DLC1: variants seen among roughly 807,000 people sequenced by gnomAD.
The protein encoded by DLC1 is DLC1 Rho GTPase activating protein.
DLC1 carries 54 observed loss-of-function variants against 140.3 expected under a neutral mutation model. The observed-to-expected ratio is 0.38, with a 90% CI of 0.31 to 0.48. The LOEUF (loss-of-function observed/expected upper bound fraction) is 0.48. DLC1 is among the 20% of genes least tolerant of loss of function. The pLI is 0.96. For synonymous variants in DLC1, 986 were observed against 728.1 expected, an observed-to-expected ratio of 1.35 and a Z score of -5.70; for missense variants, 2,536 against 1,907.0, an observed-to-expected ratio of 1.33 and a Z score of -6.14.
chr8:13,268,080 A>G (rs978164683), intron 5 of DLC1, among the ~76,000 whole-genome samples: 2 of 152,186 alleles, frequency 1.3e-5, no homozygotes, highest in Non-Finnish European at 2.9e-5. Context: ...AAATTGAAAT[A>G]TTTAAAGTAT....
Position 13,091,449 on chromosome 8 carries a change from C to T in DLC1, c.3741-17G>A. On this transcript the variant is annotated splice_polypyrimidine_tract_variant and intron_variant, in intron 13 of 17. Transcript: ENST00000276297. ...TGCATTACCCTAGGTAGAAGAAATA[C>T]AGGAGGGGAACAGTTCAAATATTTA... The T allele has an allele frequency of 1.2e-6, 2 of 1,600,956 alleles. No homozygotes were observed. Among genetic ancestry groups the T allele is most frequent in the Non-Finnish European group, 1.7e-6 (2 of 1,168,920 alleles).
intron 2 of DLC1, among the ~76,000 whole-genome samples, chr8:13,406,270 A>G (rs936187164): frequency 1.4e-5 from 2 of 140,846 alleles, no homozygotes; most frequent in South Asian, 2.3e-4. Context: ...CGCCCACCTC[A>G]GCCTCCTGAA....
chr8:13,555,139 C>G (rs1803996602), intron 1 of DLC1, among the ~76,000 whole-genome samples: 1 of 152,192 alleles, frequency 6.6e-6, no homozygotes, highest in South Asian at 2.1e-4. Flanking sequence ...TAAATGTAAA[C>G]TCTTCAGACA....
chr8:13,527,400 T>C (rs531662480), intron 1 of DLC1, among the ~76,000 whole-genome samples: 24 of 152,210 alleles, frequency 1.6e-4, no homozygotes, highest in Non-Finnish European at 2.6e-4. Context: ...ATTTCATTGA[T>C]TAATTTTTGA....
chr8:13,471,471 TGAAGGAAG>T (rs746428021), intron 2 of DLC1, among the ~76,000 whole-genome samples: 6 of 116,562 alleles, frequency 5.1e-5, no homozygotes, highest in African/African-American at 1.8e-4. Flanking sequence ...AAGGAAGGAA[TGAAGGAAG>T]GAAGGAAGGA....
chr8:13,528,342 A>T (rs1308486737), intron 1 of DLC1, among the ~76,000 whole-genome samples: 2 of 152,214 alleles, frequency 1.3e-5, no homozygotes, highest in African/African-American at 4.8e-5. Flanking sequence ...ATGAAAATTT[A>T]AAAAACTTAA....
In DLC1 at chr8:13,291,593, C is replaced by T. The variant is rs1339561328; in HGVS notation, c.1348+13676G>A. On this transcript the variant is annotated intron_variant, in intron 5 of 17. Transcript: ENST00000276297. ...ATATTTATATGCATTATGTCCATGTCACTTATATAGTATAGTAAGTACATA... is the reference window on the plus strand; with the variant it reads ...ATATTTATATGCATTATGTCCATGTTACTTATATAGTATAGTAAGTACATA... 4.6e-5 allele frequency among the ~76,000 whole-genome samples: 7 copies of T among 152,008 alleles called. No individual in the cohort carries two copies. The East Asian group carries it at 1.3e-3, about 29-fold the overall frequency.
At chr8:13,468,360 TCC>T (rs1800046332) in intron 2 of DLC1, among the ~76,000 whole-genome samples, 2 of 17,706 alleles carry the variant, frequency 1.1e-4, no homozygotes, top group East Asian at 1.9e-3. Flanking sequence ...TCCCCTCCCC[TCC>T]CCTCCCCTCT....
chr8:13,365,439 C>A (rs983019363), intron 4 of DLC1, among the ~76,000 whole-genome samples: 2 of 152,118 alleles, frequency 1.3e-5, no homozygotes, highest in African/African-American at 2.4e-5. Context: ...GTTCCAGGAT[C>A]TTCTGGAAAG....
intron 2 of DLC1, among the ~76,000 whole-genome samples, chr8:13,444,110 G>A (rs377131335): frequency 4.0e-5 from 6 of 151,662 alleles, no homozygotes; most frequent in African/African-American, 1.5e-4. Flanking sequence ...TTCCTGGTTT[G>A]TTTTTTTTGT....
intron 12 of DLC1, among the ~76,000 whole-genome samples, chr8:13,094,534 C>T (rs576966541): frequency 2.0e-5 from 3 of 152,234 alleles, no homozygotes; most frequent in East Asian, 1.9e-4. Context: ...GACGTGGTGG[C>T]GCCCTCCTGT....
intron 4 of DLC1, among the ~76,000 whole-genome samples, chr8:13,381,268 C>T (rs913741226): frequency 6.6e-6 from 1 of 152,108 alleles, no homozygotes; most frequent in African/African-American, 2.4e-5. Flanking sequence ...TATAAAGAAG[C>T]CTCAGCCGGG....
intron 5 of DLC1, among the ~76,000 whole-genome samples, chr8:13,224,180 A>G (rs1188587413): frequency 6.6e-6 from 1 of 152,228 alleles, no homozygotes; most frequent in Admixed American, 6.5e-5. Flanking sequence ...ATTTACCCAC[A>G]TGAGGCTACT....
chr8:13,515,649 A>C (rs1802563286), upstream of DLC1: 1 of 152,170 alleles, frequency 6.6e-6, no homozygotes, highest in Admixed American at 6.6e-5. Flanking sequence ...AATTTTGTGA[A>C]CTATCATCTG....
At chr8:13,406,198 T>C (rs200174026) in intron 2 of DLC1, among the ~76,000 whole-genome samples, 50 of 142,632 alleles carry the variant, frequency 3.5e-4, no homozygotes, top group East Asian at 1.3e-3. Context: ...TTTTTTTTTT[T>C]CAGTGGAGAC....
intron 4 of DLC1, among the ~76,000 whole-genome samples, chr8:13,306,589 A>T (rs563878383): frequency 0.033 from 5,026 of 150,966 alleles, 107 homozygotes; most frequent in South Asian, 0.068. Flanking sequence ...TGTGTGAGAG[A>T]GAGAGAGAGA....
chr8:13,402,570 T>C (rs1462096963), intron 2 of DLC1, among the ~76,000 whole-genome samples: 1 of 152,228 alleles, frequency 6.6e-6, no homozygotes, highest in African/African-American at 2.4e-5. Context: ...TGACTTATGT[T>C]GCCATCCTCT....
At chr8:13,096,283 G>A (rs924237555) in intron 10 of DLC1, among the ~76,000 whole-genome samples, 1 of 152,228 alleles carries the variant, frequency 6.6e-6, no homozygotes, top group Admixed American at 6.5e-5. Context: ...GGATGGGGGT[G>A]GGCCACTCCG....
At chr8:13,578,193 AC>A (rs1804914444) in intron 1 of DLC1, among the ~76,000 whole-genome samples, 1 of 152,118 alleles carries the variant, frequency 6.6e-6, no homozygotes, top group African/African-American at 2.4e-5. Context: ...AAGGATGACC[AC>A]ATGGCCACCC....
Sources: gnomAD v4.1 joint callset for allele counts (sites outside exome capture counted in the v4.1 genomes callset) on GRCh38, gnomAD v4.1.1 for gene constraint, MANE v1.5 for transcripts, NCBI Gene and HGNC (gene_info 2026-07-23, HGNC 2026-07-21) for gene names.